Variants in SLC5A10 observed in about 807,000 individuals in gnomAD.
SLC5A10 encodes sodium/mannose cotransporter SLC5A10.
A neutral mutation model predicts 68.9 loss-of-function variants in SLC5A10; 55 were observed. The ratio of observed to expected loss-of-function variants is 0.80; its 90% CI spans 0.64 to 1.00. The LOEUF (loss-of-function observed/expected upper bound fraction) is 1.00. Among genes scored for constraint, SLC5A10 ranks in the 50% least tolerant of loss-of-function variants. The probability of loss-of-function intolerance (pLI) is 0.00; values close to 1 mark genes in which losing one functional copy is unlikely to be tolerated. For missense variants in SLC5A10, 732 were observed against 819.3 expected, an observed-to-expected ratio of 0.89 and a Z score of 1.30; for synonymous variants, 344 against 344.8, an observed-to-expected ratio of 1.00 and a Z score of 0.02.
At chr17:18,973,833 G>T (rs1344111764) in intron 8 of SLC5A10, among the ~76,000 whole-genome samples, 5 of 151,400 alleles carry the variant, frequency 3.3e-5, no homozygotes, top group Non-Finnish European at 5.9e-5. Context: ...AGGTAGCTGG[G>T]ACTACAGGCA....
intron 4 of SLC5A10, among the ~76,000 whole-genome samples, chr17:18,960,271 G>T (rs1038264676): frequency 2.0e-5 from 3 of 152,096 alleles, no homozygotes; most frequent in Non-Finnish European, 4.4e-5. Flanking sequence ...TCCCAGCCAC[G>T]GCCCCTCCAA....
chr17:19,006,205 C>T (rs763553203), intron 9 of SLC5A10, among the ~76,000 whole-genome samples: 24 of 152,252 alleles, frequency 1.6e-4, no homozygotes, highest in Non-Finnish European at 2.5e-4. Flanking sequence ...TGGTGCAATC[C>T]ACAAAGCTTA....
At position 19,014,868 on chromosome 17, in the gene SLC5A10, C is replaced by T. The variant is rs116127995; in HGVS notation, c.1091-181C>T. Among the ~76,000 whole-genome samples the T allele has an allele frequency of 2.8e-3, 421 of 152,290 alleles. 1 individual carries two copies. Among genetic ancestry groups the T allele is most frequent in the African/African-American group, 9.7e-3 (405 of 41,568 alleles). On this transcript the variant is annotated intron_variant, in intron 10 of 14. Transcript: ENST00000395645. ...CCCCACGGTTTGTCCTTGGCCTCCC[C>T]AGTCTCCTCATTCTGGGTCTTGCTC...
intron 9 of SLC5A10, among the ~76,000 whole-genome samples, chr17:18,998,495 G>A (rs2043627614): frequency 6.6e-6 from 1 of 152,208 alleles, no homozygotes; most frequent in Non-Finnish European, 1.5e-5. Flanking sequence ...AGCCGACTCT[G>A]AGCCTCAGTT....
chr17:18,995,667 G>C (rs190345382), intron 9 of SLC5A10, among the ~76,000 whole-genome samples: 2 of 152,306 alleles, frequency 1.3e-5, no homozygotes, highest in Admixed American at 1.3e-4. Flanking sequence ...CAGCACTTTG[G>C]GAGGCAGAGG....
rs201705919 is a variant in SLC5A10, at chr17:18,978,175, G to A, written c.982+1186G>A. On this transcript the variant is annotated intron_variant, in intron 9 of 14. Coordinates refer to ENST00000395645, the MANE Select transcript of SLC5A10 (RefSeq NM_001042450.4). ...TGGGCACGGGGGGCAATGGCTCAGG[G>A]TCCCCCTGGGGGAGGCCGTTCTCAG... 314 of 1,539,602 alleles carry A rather than the reference G, an allele frequency of 2.0e-4. 4 individuals are homozygous for A. The South Asian group carries it at 3.5e-3, about 17-fold the overall frequency.
rs2152137005 is a variant in SLC5A10 at position 18,996,046 on chromosome 17, A to C, written c.983-17364A>C. On this transcript the variant is annotated intron_variant, in intron 9 of 14. Transcript: ENST00000395645. This position sits in a 1 kb window ranked among gnomAD's most constrained non-coding sequence, Gnocchi z 4.4. ...AAAAACAACCAGAAGAGAAAAGACAACTGCATGTCAAGGAACAAAGTAAGT... is the reference window on the plus strand; with the variant it reads ...AAAAACAACCAGAAGAGAAAAGACACCTGCATGTCAAGGAACAAAGTAAGT... Among the ~76,000 whole-genome samples the C allele has an allele frequency of 6.6e-6, 1 of 152,172 alleles. No homozygotes were observed. Among genetic ancestry groups the C allele is most frequent in the East Asian group, 1.9e-4 (1 of 5,186 alleles).
At chr17:18,988,005 G>T (rs9901327) in intron 9 of SLC5A10, among the ~76,000 whole-genome samples, 31,083 of 152,210 alleles carry the variant, frequency 0.2, 4,202 homozygotes, top group African/African-American at 0.37. Flanking sequence ...TCCAGCACCT[G>T]GTCAGCAAGC....
intron 7 of SLC5A10, chr17:18,970,619 C>T (rs1042475503): frequency 1.1e-5 from 3 of 272,138 alleles, no homozygotes; most frequent in African/African-American, 2.2e-5. Flanking sequence ...ACTTTAGAAG[C>T]CTCAGGAAGG....
Position 18,976,849 on chromosome 17 carries a change from C to A in SLC5A10, c.847-5C>A. ...GACTCACCCCGTCTCGCACTCCACCCCCAGGTCATCGTGCAGCGATCACTG... is the reference window on the plus strand; with the variant it reads ...GACTCACCCCGTCTCGCACTCCACCACCAGGTCATCGTGCAGCGATCACTG... On this transcript the variant is annotated splice_region_variant and splice_polypyrimidine_tract_variant and intron_variant, in intron 8 of 14. Coordinates refer to ENST00000395645, the MANE Select transcript of SLC5A10 (RefSeq NM_001042450.4). 1 of 1,613,198 alleles carries A rather than the reference C, an allele frequency of 6.2e-7. No homozygotes were observed. Among genetic ancestry groups the A allele is most frequent in the Non-Finnish European group, 8.5e-7 (1 of 1,179,998 alleles).
At chr17:18,993,258 C>T (rs1281659776) in intron 9 of SLC5A10, among the ~76,000 whole-genome samples, 1 of 152,212 alleles carries the variant, frequency 6.6e-6, no homozygotes, top group Non-Finnish European at 1.5e-5. Context: ...CTCCTTGCCA[C>T]CTGCCCATTT....
chr17:18,971,575 G>A lies in SLC5A10; in HGVS notation c.846+357G>A, dbSNP rs763104209. On this transcript the variant is annotated intron_variant, in intron 8 of 14. Coordinates refer to ENST00000395645, the MANE Select transcript of SLC5A10 (RefSeq NM_001042450.4). The surrounding 1 kb of genome is among the most constrained non-coding windows in gnomAD (Gnocchi z 5.5). ...GGCTGCCGGGATCCGGAAGCAGGCG[G>A]GGTACCTGACCTCCCTTGGCCTGCC... 5.6e-6 allele frequency: 9 copies of A among 1,613,710 alleles called. No homozygotes were observed. The South Asian group carries it at 7.7e-5, about 14-fold the overall frequency.
At chr17:18,993,162 C>T (rs149509083) in intron 9 of SLC5A10, among the ~76,000 whole-genome samples, 20 of 152,312 alleles carry the variant, frequency 1.3e-4, no homozygotes, top group South Asian at 2.1e-4. Context: ...CCTAAACCAA[C>T]GCATCCTGAC....
chr17:18,978,362 T>C (rs1414853044), intron 9 of SLC5A10: 3 of 1,596,974 alleles, frequency 1.9e-6, no homozygotes, highest in Non-Finnish European at 2.6e-6. Context: ...GTTCCAGATG[T>C]TGGGGTCGAT....
chr17:18,976,808 G>A (rs778918413), intron 8 of SLC5A10, 46 bp from the exon 9 acceptor site: 2 of 1,604,142 alleles, frequency 1.2e-6, no homozygotes, highest in South Asian at 1.1e-5. Context: ...CCTGACACAA[G>A]TGTCCCTCAG....
chr17:19,021,940 A>T lies in SLC5A10; in HGVS notation c.*1509A>T. On this transcript the variant is annotated 3_prime_UTR_variant, in exon 15 of 15. Coordinates refer to ENST00000395645, the MANE Select transcript of SLC5A10 (RefSeq NM_001042450.4). This position sits in a 1 kb window ranked among gnomAD's most constrained non-coding sequence, Gnocchi z 4.1. ...GTTCCTGTAAAAAGGCCCGTTGGCC[A>T]GATCGGCCGCCGGGCTGCTCACAGG... 1 of 1,494,338 alleles carries T rather than the reference A, an allele frequency of 6.7e-7. No individual in the cohort carries two copies. The highest frequency in any genetic ancestry group is 1.4e-5 in the South Asian group (1 of 73,102). 92.6% of individuals were successfully genotyped at this position (1,494,338 alleles called of 1,614,324 possible). A position where few individuals can be genotyped will look rare whatever the true frequency, so the allele number is the denominator to read the frequency against.
chr17:19,010,134 G>C (rs528124874), intron 9 of SLC5A10, among the ~76,000 whole-genome samples: 52 of 152,304 alleles, frequency 3.4e-4, no homozygotes, highest in Admixed American at 7.2e-4. Context: ...GAGCGGGTTT[G>C]AGCAGGGAAG....
chr17:18,955,143 G>A (rs967098091), intron 1 of SLC5A10, among the ~76,000 whole-genome samples: 3 of 147,328 alleles, frequency 2.0e-5, no homozygotes, highest in Non-Finnish European at 4.5e-5. Context: ...TCCAGCAATA[G>A]AAAGGGCTTC....
chr17:18,959,843 T>TATC (rs528595450), intron 4 of SLC5A10, among the ~76,000 whole-genome samples, 180 bp downstream of exon 4: 3 of 140,638 alleles, frequency 2.1e-5, no homozygotes, highest in African/African-American at 9.5e-5. Context: ...CTAATATTTC[T>TATC]ATCAACCTGC....
Sources: gnomAD v4.1 joint callset for allele counts (sites outside exome capture counted in the v4.1 genomes callset) on GRCh38, gnomAD v4.1.1 for gene constraint, Gnocchi (gnomAD v3.1) non-coding constraint, MANE v1.5 for transcripts, NCBI Gene and HGNC (gene_info 2026-07-23, HGNC 2026-07-21) for gene names.